Variants in UEVLD observed in about 807,000 individuals in gnomAD.
UEVLD encodes ubiquitin-conjugating enzyme E2 variant 3.
In UEVLD, 47 loss-of-function variants were observed where a neutral mutation model predicts 58.6. That is an observed-to-expected ratio of 0.80 (90% confidence interval 0.63 to 1.02). The LOEUF is 1.02. Among genes scored for constraint, UEVLD ranks in the 50% least tolerant of loss-of-function variants. The pLI is 0.00. For synonymous variants in UEVLD, 197 were observed against 195.3 expected, an observed-to-expected ratio of 1.01 and a Z score of -0.07; for missense variants, 510 against 550.6, an observed-to-expected ratio of 0.93 and a Z score of 0.74.
At position 18,588,643 on chromosome 11, in the gene UEVLD, G is replaced by T. The variant is rs750029730; in HGVS notation, c.12C>A (p.Asp4Glu). Residue 4 changes from aspartate (D) to glutamate (E), a missense_variant, in exon 1 of 12, where the codon GAC (aspartate) becomes GAA (glutamate). Physicochemically the swap from Asp to Glu is conservative, Grantham distance 45. Transcript: ENST00000396197. Reference protein sequence around the residue: MEFDCEGLRRLLGK... With the variant: MEFECEGLRRLLGK... The stretch of plus-strand genomic sequence containing the variant: ...CAAGCAGCCGTCTCAGGCCCTCGCA[G>T]TCGAACTCCATCTCCAGGCCGGTCC... 6 of 1,609,864 alleles carry T rather than the reference G, an allele frequency of 3.7e-6. No homozygotes were observed. In the African/African-American group the frequency reaches 8.0e-5, roughly 21 times the overall value.
rs568679358 is a variant in UEVLD, at chr11:18,535,536, G to A, written c.1124+870C>T. On this transcript the variant is annotated intron_variant, in intron 10 of 11. Coordinates refer to ENST00000396197, the MANE Select transcript of UEVLD (RefSeq NM_001040697.4). ...TTTTTCCAGTTGTTATATTCTAAAA[G>A]TCATAAGCTGATGGCTTTGAAAGCT... Among the ~76,000 whole-genome samples the A allele has an allele frequency of 2.0e-5, 3 of 152,246 alleles. No homozygotes were observed. In the South Asian group the frequency reaches 6.2e-4, roughly 32 times the overall value.
chr11:18,575,148 T>C (rs1342799684), intron 3 of UEVLD, among the ~76,000 whole-genome samples, 199 bp downstream of exon 3: 1 of 152,186 alleles, frequency 6.6e-6, no homozygotes, highest in Non-Finnish European at 1.5e-5. Context: ...ATCTAGTTGA[T>C]AGTAAGTATT....
intron 1 of UEVLD, among the ~76,000 whole-genome samples, chr11:18,588,371 G>T (rs1853695590): frequency 6.6e-6 from 1 of 152,144 alleles, no homozygotes; most frequent in Admixed American, 6.5e-5. Context: ...AGTGAAGCTG[G>T]GGGTATGAGG....
intron 3 of UEVLD, among the ~76,000 whole-genome samples, chr11:18,574,620 T>G (rs1852805183): frequency 6.6e-6 from 1 of 152,202 alleles, no homozygotes; most frequent in Non-Finnish European, 1.5e-5. Context: ...AAGAGTTAAG[T>G]GTAAGAAAAG....
intron 1 of UEVLD, among the ~76,000 whole-genome samples, chr11:18,588,075 T>G (rs937482260): frequency 6.6e-6 from 1 of 152,076 alleles, no homozygotes; most frequent in Non-Finnish European, 1.5e-5. Flanking sequence ...ACCTATGGTG[T>G]TGTCAAACAT....
At chr11:18,584,254 T>C (rs923022454) in intron 1 of UEVLD, among the ~76,000 whole-genome samples, 7 of 152,032 alleles carry the variant, frequency 4.6e-5, no homozygotes, top group Non-Finnish European at 2.9e-5. Context: ...GTGGTGATGT[T>C]GCCTGTGGTC....
chr11:18,562,152 G>A (rs1275337774), intron 6 of UEVLD, among the ~76,000 whole-genome samples: 4 of 151,734 alleles, frequency 2.6e-5, no homozygotes, highest in South Asian at 2.1e-4. Flanking sequence ...CTGCACAATC[G>A]CAGCTCACTG....
chr11:18,581,159 T>C (rs1348031498), intron 1 of UEVLD, among the ~76,000 whole-genome samples: 1 of 128,382 alleles, frequency 7.8e-6, no homozygotes, highest in Non-Finnish European at 1.6e-5. Flanking sequence ...CTAGACTCAG[T>C]CTCAAAAAAA....
At position 18,582,787 on chromosome 11, in the gene UEVLD, T is replaced by C. The variant is rs368970290; in HGVS notation, c.43-3979A>G. Among the ~76,000 whole-genome samples, 17 of 152,322 alleles carry C rather than the reference T, an allele frequency of 1.1e-4. No homozygotes were observed. The East Asian group carries it at 2.1e-3, about 19-fold the overall frequency. On this transcript the variant is annotated intron_variant, in intron 1 of 11. Coordinates refer to ENST00000396197, the MANE Select transcript of UEVLD (RefSeq NM_001040697.4). ...TGCTTAAAGGGTACAGGTACTTCAC[T>C]AAAGAAGAAAGTGGTCCAAGACATT... is the stretch of plus-strand genomic sequence containing the variant.
chr11:18,588,193 ATC>A (rs80030502), intron 1 of UEVLD, among the ~76,000 whole-genome samples: 10,871 of 152,238 alleles, frequency 0.071, 568 homozygotes, highest in East Asian at 0.17. Flanking sequence ...GATAATCGAT[ATC>A]TTTCAAAACA....
chr11:18,564,893 T>G lies in UEVLD; in HGVS notation c.611A>C (p.Lys204Thr). Residue 204 changes from lysine (K) to threonine (T), a missense_variant and splice_region_variant, in exon 6 of 12, where the codon AAG (lysine) becomes ACG (threonine). By Grantham distance (78) the Lys-to-Thr change is moderately conservative. Transcript: ENST00000396197. ...GIACTLAISA[K>T]GIADRLVLLD... ...TTTATAACCACTATGTTTACATACCTTTGCTGAAATTGCTAATGTGCAGGC... is the reference window on the plus strand; with the variant it reads ...TTTATAACCACTATGTTTACATACCGTTGCTGAAATTGCTAATGTGCAGGC... The G allele has an allele frequency of 6.2e-7, 1 of 1,605,376 alleles. No homozygotes were observed. Among genetic ancestry groups the G allele is most frequent in the Non-Finnish European group, 8.5e-7 (1 of 1,172,402 alleles).
intron 7 of UEVLD, among the ~76,000 whole-genome samples, chr11:18,554,210 G>A (rs1318059581): frequency 6.6e-6 from 1 of 151,896 alleles, no homozygotes; most frequent in Non-Finnish European, 1.5e-5. Context: ...TCCTGCCTCA[G>A]CCTCCTGAGT....
chr11:18,586,741 G>A (rs1355036537), intron 1 of UEVLD, among the ~76,000 whole-genome samples: 1 of 152,180 alleles, frequency 6.6e-6, no homozygotes, highest in Non-Finnish European at 1.5e-5. Flanking sequence ...TGAATGGTCA[G>A]GAAACTTCAT....
At chr11:18,561,285 A>C (rs1199059157) in intron 6 of UEVLD, among the ~76,000 whole-genome samples, 1 of 152,140 alleles carries the variant, frequency 6.6e-6, no homozygotes, top group African/African-American at 2.4e-5. Flanking sequence ...ACCTAAACAA[A>C]GGGTTGTTGT....
At chr11:18,570,939 CAAAAA>C (rs34951254) in intron 3 of UEVLD, among the ~76,000 whole-genome samples, 4 of 137,640 alleles carry the variant, frequency 2.9e-5, no homozygotes, top group South Asian at 2.3e-4. Context: ...CCCTGCCTCT[CAAAAA>C]AAAAAAAAAA....
intron 1 of UEVLD, among the ~76,000 whole-genome samples, chr11:18,584,532 C>T (rs564570179): frequency 6.6e-4 from 101 of 152,302 alleles, no homozygotes; most frequent in Non-Finnish European, 1.4e-3. Flanking sequence ...TAGCCACAAA[C>T]CACATGTGGC....
At chr11:18,558,150 T>G in intron 7 of UEVLD, 78 bp downstream of exon 7, 1 of 995,288 alleles carries the variant, frequency 1.0e-6, no homozygotes, top group Non-Finnish European at 1.5e-6. Context: ...ATCTTTAAGG[T>G]GCTTTTCAGC....
At chr11:18,581,057 G>A (rs1243131099) in intron 1 of UEVLD, among the ~76,000 whole-genome samples, 1 of 151,704 alleles carries the variant, frequency 6.6e-6, no homozygotes, top group Non-Finnish European at 1.5e-5. Context: ...AGCTACTTGC[G>A]AGGCTGAGGC....
At chr11:18,557,530 TA>T (rs1851805172) in intron 7 of UEVLD, among the ~76,000 whole-genome samples, 2 of 151,744 alleles carry the variant, frequency 1.3e-5, no homozygotes, top group Admixed American at 1.3e-4. Context: ...GCAATGAATG[TA>T]AACTGAATTT....
Sources: gnomAD v4.1 joint callset for allele counts (sites outside exome capture counted in the v4.1 genomes callset) on GRCh38, gnomAD v4.1.1 for gene constraint, MANE v1.5 for transcripts, NCBI Gene and HGNC (gene_info 2026-07-23, HGNC 2026-07-21) for gene names.